TRPM6: variants seen among roughly 807,000 people sequenced by gnomAD.
The protein encoded by TRPM6 is channel kinase 2.
Under a neutral mutation model 247.6 loss-of-function variants are expected in TRPM6, and 111 were observed. That is an observed-to-expected ratio of 0.45 (90% CI 0.38 to 0.52). The LOEUF (loss-of-function observed/expected upper bound fraction) is 0.52, where lower values mean the gene tolerates loss of function less well. Among genes scored for constraint, TRPM6 ranks in the 20% least tolerant of loss-of-function variants. The pLI, the probability that TRPM6 is intolerant of heterozygous loss-of-function variation, is 0.00. For synonymous variants in TRPM6, 892 were observed against 853.8 expected (o/e 1.04, Z -0.78); for missense variants, 2,126 against 2,421.5 (o/e 0.88, Z 2.56).
intron 1 of TRPM6, among the ~76,000 whole-genome samples, chr9:74,872,600 T>TTGTGTG (rs59577843): frequency 0.096 from 14,414 of 149,932 alleles, 789 homozygotes; most frequent in African/African-American, 0.15. Context: ...CCAGCAAATT[T>TTGTGTG]TGTGTGTGTG....
intron 1 of TRPM6, among the ~76,000 whole-genome samples, chr9:74,886,082 A>C (rs189030408): frequency 6.6e-6 from 1 of 152,332 alleles, no homozygotes; most frequent in East Asian, 1.9e-4. Context: ...TTTGTGACAA[A>C]TTGCAACATA....
chr9:74,831,300 G>A (rs1309378809), intron 6 of TRPM6, among the ~76,000 whole-genome samples: 2 of 152,072 alleles, frequency 1.3e-5, no homozygotes, highest in Admixed American at 6.6e-5. Context: ...GACCAGCCCA[G>A]CCAATATGGT....
At chr9:74,831,153 A>T (rs1413265554) in intron 6 of TRPM6, among the ~76,000 whole-genome samples, 4 of 152,160 alleles carry the variant, frequency 2.6e-5, no homozygotes, top group Non-Finnish European at 5.9e-5. Context: ...AGCTGACATG[A>T]AAAATCAAAA....
intron 5 of TRPM6, among the ~76,000 whole-genome samples, chr9:74,837,812 T>C (rs937757923): frequency 6.7e-6 from 1 of 148,952 alleles, no homozygotes; most frequent in Admixed American, 6.8e-5. Flanking sequence ...TAGAGTGACA[T>C]GATCATAGCT....
chr9:74,853,211 CCGGCAGCCGCCCCA>C (rs1830410266), intron 3 of TRPM6, among the ~76,000 whole-genome samples: 2 of 151,554 alleles, frequency 1.3e-5, no homozygotes, highest in Admixed American at 6.6e-5. Context: ...GCCCCTCCGC[CCGGCAGCCGCCCCA>C]TCGGGGAAGT....
Position 74,801,896 on chromosome 9 carries a change from A to G in TRPM6, c.2009+2T>C. 6.2e-7 allele frequency: 1 copy of G among 1,614,142 alleles called. No homozygotes were observed. The highest frequency in any genetic ancestry group is 8.5e-7 in the Non-Finnish European group (1 of 1,179,998). The stretch of plus-strand genomic sequence containing the variant: ...AGTATGAAGTGAAGAGAGAACACTT[A>G]CTTTGAGTAATTCTTCAACTCTTCT... On this transcript the variant is annotated splice_donor_variant, in intron 16 of 38. Transcript: ENST00000360774. LOFTEE classifies it high-confidence loss of function.
At chr9:74,811,319 G>C (rs1172506686) in intron 12 of TRPM6, among the ~76,000 whole-genome samples, 1 of 152,162 alleles carries the variant, frequency 6.6e-6, no homozygotes, top group Non-Finnish European at 1.5e-5. Context: ...CCAACAATAT[G>C]TGTGGGCTCA....
At chr9:74,852,952 A>G (rs1163356298) in intron 3 of TRPM6, among the ~76,000 whole-genome samples, 1 of 148,114 alleles carries the variant, frequency 6.8e-6, no homozygotes, top group East Asian at 2.0e-4. Context: ...TTGGCCGCCC[A>G]TCGTCTGGGA....
intron 38 of TRPM6, among the ~76,000 whole-genome samples, chr9:74,725,082 A>C (rs1825271474): frequency 6.6e-6 from 1 of 152,194 alleles, no homozygotes; most frequent in African/African-American, 2.4e-5. Flanking sequence ...ACTGAATGAC[A>C]GGCAGAGGCA....
chr9:74,745,287 A>G (rs140793123), intron 31 of TRPM6, among the ~76,000 whole-genome samples: 1 of 152,330 alleles, frequency 6.6e-6, no homozygotes, highest in African/African-American at 2.4e-5. Flanking sequence ...GAGCTGTGAG[A>G]CCACATTGGT....
At chr9:74,756,858 A>T (rs1563999470) in intron 27 of TRPM6, among the ~76,000 whole-genome samples, 1 of 151,582 alleles carries the variant, frequency 6.6e-6, no homozygotes, top group Non-Finnish European at 1.5e-5. Context: ...AAAGAAAAAA[A>T]AAAATTAAGA....
At chr9:74,854,577 A>G (rs1390395648) in intron 3 of TRPM6, among the ~76,000 whole-genome samples, 1 of 152,156 alleles carries the variant, frequency 6.6e-6, no homozygotes, top group Non-Finnish European at 1.5e-5. Context: ...TTCCTCCAGC[A>G]ACCTCCTCCT....
At chr9:74,756,716 T>C (rs1427225789) in intron 27 of TRPM6, among the ~76,000 whole-genome samples, 1 of 142,822 alleles carries the variant, frequency 7.0e-6, no homozygotes, top group Non-Finnish European at 1.5e-5. Context: ...CCAGGTGTGG[T>C]GGCACACCTG....
At chr9:74,880,585 G>A (rs376403431) in intron 1 of TRPM6, among the ~76,000 whole-genome samples, 1 of 151,996 alleles carries the variant, frequency 6.6e-6, no homozygotes. Context: ...ACTATTCCTA[G>A]CAATGTTATC....
chr9:74,799,549 T>TACACAC lies in TRPM6; in HGVS notation c.2238+699_2238+704dup, dbSNP rs140623880. Among the ~76,000 whole-genome samples, 651 of 145,224 alleles carry TACACAC rather than the reference T, an allele frequency of 4.5e-3. 10 individuals carry two copies. The highest frequency in any genetic ancestry group is 0.015 in the African/African-American group (606 of 40,658). On this transcript the variant is annotated intron_variant, in intron 17 of 38. Transcript: ENST00000360774. ...TCTCTCAAAAAAAAACACACACACA[T>TACACAC]ACACACACACACACACACACACATT...
intron 16 of TRPM6, among the ~76,000 whole-genome samples, chr9:74,800,822 C>T (rs1332149920): frequency 1.3e-5 from 2 of 150,882 alleles, no homozygotes; most frequent in Non-Finnish European, 2.9e-5. Context: ...CACTATTGGA[C>T]ATAGCTTGGT....
intron 6 of TRPM6, among the ~76,000 whole-genome samples, chr9:74,828,817 C>T (rs115902771): frequency 0.028 from 4,202 of 151,762 alleles, 183 homozygotes; most frequent in African/African-American, 0.093. Context: ...TTAGGAGAGA[C>T]GGGGTTTCAC....
chr9:74,814,087 A>T (rs911206674), intron 11 of TRPM6, among the ~76,000 whole-genome samples: 4 of 152,188 alleles, frequency 2.6e-5, no homozygotes, highest in African/African-American at 9.7e-5. Flanking sequence ...ACAGAGTGAG[A>T]CTCCATCTCA....
intron 25 of TRPM6, among the ~76,000 whole-genome samples, chr9:74,769,751 C>T (rs1413859990): frequency 7.7e-6 from 1 of 129,628 alleles, no homozygotes; most frequent in Non-Finnish European, 1.5e-5. Context: ...AGTGAGACTC[C>T]GTTGAAATAA....
Sources: allele counts gnomAD v4.1 joint callset (sites outside exome capture counted in the v4.1 genomes callset), GRCh38; gene constraint gnomAD v4.1.1; transcripts MANE v1.5; gene names NCBI Gene and HGNC (gene_info 2026-07-23, HGNC 2026-07-21).